SEL1L3: variants seen among roughly 807,000 people sequenced by gnomAD.
SEL1L3 encodes the protein protein sel-1 homolog 3.
A neutral mutation model predicts 142.8 loss-of-function variants in SEL1L3; 76 were observed. That is an observed-to-expected ratio of 0.53 (90% CI 0.44 to 0.64). The LOEUF (loss-of-function observed/expected upper bound fraction) is 0.64. Among genes scored for constraint, SEL1L3 ranks in the 30% least tolerant of loss-of-function variants. The probability of loss-of-function intolerance (pLI) is 0.00; values close to 1 mark genes in which losing one functional copy is unlikely to be tolerated. For missense variants in SEL1L3, 1,262 were observed against 1,381.7 expected (o/e 0.91, Z 1.37); for synonymous variants, 504 against 519.6 (o/e 0.97, Z 0.41).
chr4:25,811,166 G>C (rs1713994432), intron 9 of SEL1L3, among the ~76,000 whole-genome samples: 1 of 152,152 alleles, frequency 6.6e-6, no homozygotes, highest in African/African-American at 2.4e-5. Flanking sequence ...CCTCGTGGCT[G>C]CTTTACGTCT....
At position 25,747,640 on chromosome 4, in the gene SEL1L3, G is replaced by A. The variant is rs1246612975; in HGVS notation, c.*785C>T. The A allele has an allele frequency of 6.6e-6, 1 of 152,014 alleles. No individual in the cohort carries two copies. Among genetic ancestry groups the A allele is most frequent in the East Asian group, 1.9e-4 (1 of 5,188 alleles). The allele number at this position is 152,014 out of a possible 1,614,324, so 9.4% of individuals were successfully genotyped here. On this transcript the variant is annotated 3_prime_UTR_variant, in exon 24 of 24. Coordinates refer to ENST00000399878, the MANE Select transcript of SEL1L3 (RefSeq NM_015187.5). ...CAGACTCACGCAGGCATGAGGGGTA[G>A]GGATGAAACTATAAGCTAGAGGCTT...
rs188513678 is a variant in SEL1L3, at chr4:25,853,455, C to T, written c.163-5591G>A. Among the ~76,000 whole-genome samples the T allele has an allele frequency of 2.2e-3, 335 of 152,168 alleles. 2 individuals are homozygous for T. Among genetic ancestry groups the T allele is most frequent in the Non-Finnish European group, 3.7e-3 (251 of 68,020 alleles). ...GTTATCCAACATGGTAGTCACAAGTCATATTAAGCACTTGTAATGTGGCTG... is the reference window on the plus strand; with the variant it reads ...GTTATCCAACATGGTAGTCACAAGTTATATTAAGCACTTGTAATGTGGCTG... On this transcript the variant is annotated intron_variant, in intron 1 of 23. Transcript: ENST00000399878.
At chr4:25,858,629 A>T (rs1024946625) in intron 1 of SEL1L3, among the ~76,000 whole-genome samples, 1 of 151,918 alleles carries the variant, frequency 6.6e-6, no homozygotes, top group Admixed American at 6.6e-5. Flanking sequence ...CTCTGTCGCC[A>T]GGCTGGAGTG....
chr4:25,748,932 T>C (rs1717416332), intron 23 of SEL1L3, among the ~76,000 whole-genome samples: 1 of 152,116 alleles, frequency 6.6e-6, no homozygotes, highest in African/African-American at 2.4e-5. Flanking sequence ...AACACTCTTC[T>C]GAAAGAATAG....
At chr4:25,762,604 A>G (rs182239503) in intron 20 of SEL1L3, among the ~76,000 whole-genome samples, 6 of 152,330 alleles carry the variant, frequency 3.9e-5, no homozygotes, top group Admixed American at 3.3e-4. Flanking sequence ...TCAACAGAAT[A>G]TGGGGCAGCT....
chr4:25,715,273 C>G, the SEL1L3 span, among the ~76,000 whole-genome samples: 3 of 152,004 alleles, frequency 2.0e-5, no homozygotes, highest in Non-Finnish European at 4.4e-5. Flanking sequence ...AGGACCATCA[C>G]TTGGGTCCAG....
rs572244070 is a variant in SEL1L3, at chr4:25,855,938, G to A, written c.162+6737C>T. Among the ~76,000 whole-genome samples the A allele has an allele frequency of 3.3e-5, 5 of 152,194 alleles. No individual in the cohort carries two copies. In the East Asian group the frequency reaches 5.8e-4, roughly 18 times the overall value. ...ATTTCTCTATTTTTCTCCCAGCCTC[G>A]TTAATTCCTTCCAAAGAGCCCTTAC... On this transcript the variant is annotated intron_variant, in intron 1 of 23. Transcript: ENST00000399878.
At position 25,757,456 on chromosome 4, in the gene SEL1L3, C is replaced by CA. The variant is rs1560277078; in HGVS notation, c.3259+77_3259+78insT. 1,265 of 526,326 alleles carry CA rather than the reference C, an allele frequency of 2.4e-3. 6 individuals are homozygous for CA. The highest frequency in any genetic ancestry group is 3.9e-3 in the East Asian group (72 of 18,494). 32.6% of individuals were successfully genotyped at this position (526,326 alleles called of 1,614,324 possible). The stretch of plus-strand genomic sequence containing the variant: ...GGGAAAACACAATTTTTCCAGTAGA[C>CA]CAAAAAAAAAAAAAAAAAAAAAAAT... On this transcript the variant is annotated intron_variant, in intron 23 of 23. Transcript: ENST00000399878.
rs1282858470 is a variant in SEL1L3 at position 25,759,003 on chromosome 4, G to T, written c.3021C>A (p.Phe1007Leu). The change falls in exon 21 of 24, where the codon TTC (phenylalanine) becomes TTA (leucine). Residue 1007 changes from phenylalanine (F) to leucine (L), a missense_variant. By Grantham distance (22) the Phe-to-Leu change is conservative. Around this residue, in one of 3 missense-constraint regions of SEL1L3, gnomAD observed 435 missense variants for 559.2 expected, o/e 0.78. Transcript: ENST00000399878. ...GTIIPHHILDFLEIDSTLHSN... is the reference protein window; with the variant it reads ...GTIIPHHILDLLEIDSTLHSN... ...AATGGAGAGTTGAGTCAATTTCCAA[G>T]AAATCCAAGATATGGTGTGGGATTA... 1.2e-6 allele frequency: 2 copies of T among 1,613,692 alleles called. No individual in the cohort carries two copies. Among genetic ancestry groups the T allele is most frequent in the Non-Finnish European group, 8.5e-7 (1 of 1,179,748 alleles).
intron 13 of SEL1L3, among the ~76,000 whole-genome samples, chr4:25,785,399 G>C (rs1404805862): frequency 6.6e-6 from 1 of 152,114 alleles, no homozygotes; most frequent in African/African-American, 2.4e-5. Flanking sequence ...CAGACAAATG[G>C]ACTCCAGAAT....
At chr4:25,808,865 C>G (rs923816480) in intron 9 of SEL1L3, among the ~76,000 whole-genome samples, 2 of 152,240 alleles carry the variant, frequency 1.3e-5, no homozygotes. Context: ...GTCAGGAAAT[C>G]GAGAACACCC....
At chr4:25,789,147 T>C (rs550793367) in intron 12 of SEL1L3, among the ~76,000 whole-genome samples, 1 of 152,298 alleles carries the variant, frequency 6.6e-6, no homozygotes, top group African/African-American at 2.4e-5. Flanking sequence ...TAGTTCCACA[T>C]GGGTCCTTTG....
intron 10 of SEL1L3, among the ~76,000 whole-genome samples, chr4:25,804,327 G>A (rs1713400812): frequency 2.6e-5 from 4 of 152,246 alleles, no homozygotes; most frequent in Admixed American, 6.5e-5. Flanking sequence ...ATCCCCCCAA[G>A]GCCTGTCTAG....
Position 25,847,320 on chromosome 4 carries a change from C to T in SEL1L3, c.707G>A (p.Arg236Lys). 6.2e-7 allele frequency: 1 copy of T among 1,613,538 alleles called. No homozygotes were observed. The highest frequency in any genetic ancestry group is 8.5e-7 in the Non-Finnish European group (1 of 1,179,694). The change falls in exon 2 of 24, where the codon AGG becomes AAG. Residue 236 changes from arginine (R) to lysine (K), a missense_variant. Physicochemically the swap from Arg to Lys is conservative, Grantham distance 26. This residue lies in a region of SEL1L3 where 689 missense variants were observed against 692.8 expected (regional missense o/e 0.99). Coordinates refer to ENST00000399878, the MANE Select transcript of SEL1L3 (RefSeq NM_015187.5). The stretch of plus-strand genomic sequence containing the variant: ...ATTTTCCAGAGGACACTGTGGAATC[C>T]TGTTTGCCCGAAGGTTCCAAATATA... ...MGYIWNLRAN[R>K]IPQCPLENDV...
chr4:25,747,222 G>A (rs943639751), downstream of SEL1L3, among the ~76,000 whole-genome samples: 2 of 152,172 alleles, frequency 1.3e-5, no homozygotes, highest in Non-Finnish European at 2.9e-5. Flanking sequence ...GATACTGTGC[G>A]AACATTCTAA....
chr4:25,770,800 C>T (rs970249379), intron 17 of SEL1L3, among the ~76,000 whole-genome samples: 1 of 151,816 alleles, frequency 6.6e-6, no homozygotes, highest in African/African-American at 2.4e-5. Flanking sequence ...AGAAATCCAC[C>T]TCTATTTTTC....
intron 1 of SEL1L3, chr4:25,862,236 G>GT (rs1717762545): frequency 6.7e-6 from 1 of 149,010 alleles, no homozygotes; most frequent in Non-Finnish European, 1.5e-5. Context: ...GGCGCCGAGA[G>GT]TAAGAGGCGA....
intron 9 of SEL1L3, among the ~76,000 whole-genome samples, chr4:25,814,003 G>C (rs534108439): frequency 6.6e-6 from 1 of 152,166 alleles, no homozygotes; most frequent in Non-Finnish European, 1.5e-5. Flanking sequence ...CACACAGTGT[G>C]GGGGAAAGAA....
the SEL1L3 span, among the ~76,000 whole-genome samples, chr4:25,717,529 G>A: frequency 6.6e-6 from 1 of 152,172 alleles, no homozygotes; most frequent in African/African-American, 2.4e-5. Context: ...TGCCGGGCGT[G>A]GTGGCAGATG....
Sources: gnomAD v4.1 joint callset for allele counts (sites outside exome capture counted in the v4.1 genomes callset) on GRCh38, gnomAD v4.1.1 for gene constraint, gnomAD v4.1.1 regional missense constraint, MANE v1.5 for transcripts, NCBI Gene and HGNC (gene_info 2026-07-23, HGNC 2026-07-21) for gene names.